Variants in CTNNA2 observed in about 807,000 individuals in gnomAD.
CTNNA2 encodes the protein catenin alpha 2, also known as catenin alpha-2.
A neutral mutation model predicts 101.0 loss-of-function variants in CTNNA2; 42 were observed. The ratio of observed to expected loss-of-function variants is 0.42; its 90% CI spans 0.32 to 0.54. The LOEUF (loss-of-function observed/expected upper bound fraction) is 0.54. CTNNA2 is among the 20% of genes least tolerant of loss of function. CTNNA2 has a pLI of 0.14. For missense variants in CTNNA2, 871 were observed against 1,223.1 expected (o/e 0.71, Z 4.29); for synonymous variants, 450 against 456.4 (o/e 0.99, Z 0.18).
intron 3 of CTNNA2, among the ~76,000 whole-genome samples, chr2:79,344,450 C>CCCA (rs1044648972): frequency 2.6e-5 from 4 of 151,954 alleles, no homozygotes; most frequent in Non-Finnish European, 5.9e-5. Context: ...TATATGATTC[C>CCCA]CCACCCCCTT....
intron 1 of CTNNA2, among the ~76,000 whole-genome samples, chr2:79,531,725 A>G (rs1672756537): frequency 6.6e-6 from 1 of 150,824 alleles, no homozygotes; most frequent in Admixed American, 6.7e-5. Context: ...TCTGTTGCCC[A>G]GGCTGGAGTG....
chr2:80,352,329 A>AT (rs905694184), intron 7 of CTNNA2, among the ~76,000 whole-genome samples: 58 of 151,942 alleles, frequency 3.8e-4, no homozygotes, highest in African/African-American at 1.2e-3. Context: ...TAAAGGAGCC[A>AT]TTTTTTTTAT....
intron 7 of CTNNA2, among the ~76,000 whole-genome samples, chr2:80,178,777 A>G (rs1176400731): frequency 6.6e-6 from 1 of 152,182 alleles, no homozygotes; most frequent in Non-Finnish European, 1.5e-5. Context: ...GCAGCAACTT[A>G]TCCTTCTCCT....
At chr2:80,176,438 A>G (rs1705398595) in intron 7 of CTNNA2, among the ~76,000 whole-genome samples, 1 of 152,216 alleles carries the variant, frequency 6.6e-6, no homozygotes, top group Non-Finnish European at 1.5e-5. Context: ...GAAATACGAC[A>G]ATTACCATCT....
chr2:80,343,975 G>C (rs961358706), intron 7 of CTNNA2, among the ~76,000 whole-genome samples: 1 of 151,938 alleles, frequency 6.6e-6, no homozygotes, highest in Admixed American at 6.6e-5. Flanking sequence ...CTTCTTAAGG[G>C]AAGAGCTATT....
chr2:80,513,656 G>A (rs766820857), intron 9 of CTNNA2, among the ~76,000 whole-genome samples: 18 of 152,282 alleles, frequency 1.2e-4, no homozygotes, highest in Non-Finnish European at 1.5e-4. Context: ...TAGATGGAAC[G>A]CATAGTCTGG....
rs749649170 is a variant in CTNNA2, at chr2:79,558,037, C to T, written c.-6+44830C>T. Reference sequence around the variant, plus strand: ...ACATAGAGATTTATACATACGTAAACGTTCACAAAGAGACACTTCCATGTT... The same window carrying T: ...ACATAGAGATTTATACATACGTAAATGTTCACAAAGAGACACTTCCATGTT... On this transcript the variant is annotated intron_variant, in intron 1 of 18. Coordinates refer to ENST00000402739, the MANE Select transcript of CTNNA2 (RefSeq NM_001282597.3). Among the ~76,000 whole-genome samples the T allele has an allele frequency of 2.0e-5, 3 of 151,912 alleles. No homozygotes were observed. In the East Asian group the frequency reaches 5.8e-4, roughly 29 times the overall value.
At chr2:79,263,307 A>G (rs1674946591) in intron 2 of CTNNA2, among the ~76,000 whole-genome samples, 1 of 152,140 alleles carries the variant, frequency 6.6e-6, no homozygotes, top group Non-Finnish European at 1.5e-5. Flanking sequence ...TGTCCTCACA[A>G]TAATGAATGA....
At chr2:80,155,082 G>T (rs1234817589) in intron 7 of CTNNA2, among the ~76,000 whole-genome samples, 1 of 152,184 alleles carries the variant, frequency 6.6e-6, no homozygotes, top group Non-Finnish European at 1.5e-5. Context: ...TTTAAGGACA[G>T]CTGGATTCCC....
At chr2:80,250,179 G>C (rs1041985364) in intron 7 of CTNNA2, among the ~76,000 whole-genome samples, 1 of 113,232 alleles carries the variant, frequency 8.8e-6, no homozygotes. Context: ...TACATGGATG[G>C]GGGGAGAGAG....
chr2:79,848,621 G>A (rs938120201), intron 3 of CTNNA2, among the ~76,000 whole-genome samples: 3 of 152,250 alleles, frequency 2.0e-5, no homozygotes, highest in East Asian at 1.9e-4. Flanking sequence ...GCAAGGTGGC[G>A]CATTACTGTC....
At chr2:79,439,242 G>C (rs758366908) in intron 4 of CTNNA2, among the ~76,000 whole-genome samples, 2 of 152,192 alleles carry the variant, frequency 1.3e-5, no homozygotes, top group Non-Finnish European at 2.9e-5. Context: ...GGCATAAAAA[G>C]AAATGAAGCA....
chr2:80,060,672 G>A (rs1292619068), intron 7 of CTNNA2, among the ~76,000 whole-genome samples: 1 of 151,886 alleles, frequency 6.6e-6, no homozygotes, highest in Non-Finnish European at 1.5e-5. Context: ...CTATTGACCT[G>A]GAATGCTCTT....
At chr2:79,186,405 A>T (rs754099326) in intron 1 of CTNNA2, among the ~76,000 whole-genome samples, 1 of 152,242 alleles carries the variant, frequency 6.6e-6, no homozygotes, top group Non-Finnish European at 1.5e-5. Context: ...TGAGCACTCT[A>T]CTTTTCATGG....
At chr2:79,237,310 A>T (rs577480356) in intron 2 of CTNNA2, among the ~76,000 whole-genome samples, 34 of 152,328 alleles carry the variant, frequency 2.2e-4, no homozygotes, top group African/African-American at 8.2e-4. Flanking sequence ...GAAGGCCTCA[A>T]TGGTGGTCTT....
chr2:79,468,650 G>A (rs1184223852), intron 4 of CTNNA2, among the ~76,000 whole-genome samples: 2 of 152,164 alleles, frequency 1.3e-5, no homozygotes, highest in Non-Finnish European at 2.9e-5. Context: ...CTCAGCAAAT[G>A]TAAAAGAACA....
intron 8 of CTNNA2, among the ~76,000 whole-genome samples, chr2:80,405,602 A>G (rs1678980882): frequency 6.6e-6 from 1 of 152,150 alleles, no homozygotes; most frequent in Non-Finnish European, 1.5e-5. Context: ...CCAGAAACTG[A>G]ACTGTGAATG....
intron 7 of CTNNA2, among the ~76,000 whole-genome samples, chr2:80,366,260 A>C (rs1313882215): frequency 2.0e-5 from 3 of 152,132 alleles, no homozygotes; most frequent in African/African-American, 7.2e-5. Flanking sequence ...TGAAGATTTT[A>C]ATGGATATTA....
chr2:80,490,284 C>CCCG (rs1686952673), intron 9 of CTNNA2, among the ~76,000 whole-genome samples: 1 of 87,756 alleles, frequency 1.1e-5, no homozygotes, highest in Admixed American at 1.7e-4. Flanking sequence ...CCCCCCACCC[C>CCCG]CCCCCCGGTA....
Sources: gnomAD v4.1 joint callset for allele counts (sites outside exome capture counted in the v4.1 genomes callset) on GRCh38, gnomAD v4.1.1 for gene constraint, MANE v1.5 for transcripts, NCBI Gene and HGNC (gene_info 2026-07-23, HGNC 2026-07-21) for gene names.